The following H2AC1 variants were observed in gnomAD, a reference collection of about 807,000 sequenced individuals.
H2AC1 encodes the protein H2A clustered histone 1, also known as histone H2A type 1-A.
For missense variants in H2AC1, 218 were observed against 173.8 expected (o/e 1.25, Z -1.43); for synonymous variants, 145 against 70.0 (o/e 2.07, Z -5.35).
rs551081966 is a variant in H2AC1, at chr6:25,726,243, A to G, written c.285T>C (p.Asn95=). ...CAATGGTCACGCCGCCCAAAAGCTT[A>G]TTGAGTTCCTCATCATTGCGGATCG... The part of the protein sequence containing the change: ...QLAIRNDEEL[N]KLLGGVTIAQ... Residue 95 remains asparagine (N), a synonymous_variant, in exon 1 of 1, where the codon AAT becomes AAC. Transcript: ENST00000297012. The G allele has an allele frequency of 9.3e-6, 15 of 1,613,828 alleles. No homozygotes were observed. The East Asian group carries it at 2.2e-4, about 24-fold the overall frequency.
rs1312427918 is a variant in H2AC1 at position 25,726,494 on chromosome 6, G to A, written c.34C>T (p.Arg12Cys). The change falls in exon 1 of 1, where the codon CGC becomes TGC. Residue 12 changes from arginine (R) to cysteine (C), a missense_variant. Physicochemically the swap from Arg to Cys is radical, Grantham distance 180. Transcript: ENST00000297012. ...GAAGAGCGAGACTTAGACTTGGCGC[G>A]TGCTTTTCCTCCCTGCTTCCCTCGT... ...SGRGKQGGKA[R>C]AKSKSRSSRA... 8.7e-6 allele frequency: 14 copies of A among 1,611,820 alleles called. No homozygotes were observed. Among genetic ancestry groups the A allele is most frequent in the East Asian group, 2.2e-5 (1 of 44,814 alleles).
rs1760234124 is a variant in H2AC1, at chr6:25,726,164, C to CA, written c.363dup (p.Glu122Ter). On this transcript the variant is annotated frameshift_variant, in exon 1 of 1. Coordinates refer to ENST00000297012, the MANE Select transcript of H2AC1 (RefSeq NM_170745.3). LOFTEE classifies it high-confidence loss of function. The stretch of plus-strand genomic sequence containing the variant: ...CTTTGGGCTTTATGGTGGTGACTCT[C>CA]AGTCTTCTTGGGCAGCAGCACTGCC... 3.8e-6 allele frequency: 6 copies of CA among 1,570,710 alleles called. No individual in the cohort carries two copies. The highest frequency in any genetic ancestry group is 1.4e-5 in the African/African-American group (1 of 73,356).
chr6:25,726,090 T>A lies in H2AC1; in HGVS notation c.*42A>T. ...GGTGGCTCTGAAAAGAGCCTTTTGT[T>A]TTTTCTGACACAGAAGTCTTTTTAC... On this transcript the variant is annotated 3_prime_UTR_variant, in exon 1 of 1. Transcript: ENST00000297012. The A allele has an allele frequency of 6.7e-7, 1 of 1,481,674 alleles. No individual in the cohort carries two copies. Among genetic ancestry groups the A allele is most frequent in the Non-Finnish European group, 9.0e-7 (1 of 1,113,804 alleles). 91.8% of individuals were successfully genotyped at this position (1,481,674 alleles called of 1,614,324 possible).
chr6:25,726,076 A>C lies in H2AC1; in HGVS notation c.*56T>G. The C allele has an allele frequency of 6.9e-7, 1 of 1,457,154 alleles. No homozygotes were observed. Among genetic ancestry groups the C allele is most frequent in the South Asian group, 1.4e-5 (1 of 69,054 alleles). The allele number at this position is 1,457,154 out of a possible 1,614,324, so 90.3% of individuals were successfully genotyped here. On this transcript the variant is annotated 3_prime_UTR_variant, in exon 1 of 1. Coordinates refer to ENST00000297012, the MANE Select transcript of H2AC1 (RefSeq NM_170745.3). ...TTTCTGAGACGGTAGGTGGCTCTGA[A>C]AAGAGCCTTTTGTTTTTTCTGACAC...
Position 25,726,171 on chromosome 6 carries a change from C to T in H2AC1, c.357G>A (p.Lys119=), listed in dbSNP as rs765641279. The change falls in exon 1 of 1, where the codon AAG becomes AAA. Residue 119 remains lysine (K), a synonymous_variant. Transcript: ENST00000297012. The stretch of plus-strand genomic sequence containing the variant: ...CTTTATGGTGGTGACTCTCAGTCTT[C>T]TTGGGCAGCAGCACTGCCTGAATGT... The part of the protein sequence containing the change: ...LPNIQAVLLP[K]KTESHHHKAQ... The T allele has an allele frequency of 3.7e-5, 59 of 1,579,230 alleles. No individual in the cohort carries two copies. Among genetic ancestry groups the T allele is most frequent in the Non-Finnish European group, 4.7e-5 (54 of 1,160,184 alleles).
In H2AC1 at chr6:25,726,513, C is replaced by T. The variant is rs770804341; in HGVS notation, c.15G>A (p.Gly5=). Residue 5 remains glycine, a synonymous_variant, in exon 1 of 1, where the codon GGG becomes GGA. Coordinates refer to ENST00000297012, the MANE Select transcript of H2AC1 (RefSeq NM_170745.3). MSGR[G]KQGGKARAKS... ...TGGCGCGTGCTTTTCCTCCCTGCTT[C>T]CCTCGTCCAGACATCTCCTCGCATC... is the stretch of plus-strand genomic sequence containing the variant. 4 of 1,610,324 alleles carry T rather than the reference C, an allele frequency of 2.5e-6. No individual in the cohort carries two copies. Among genetic ancestry groups the T allele is most frequent in the Admixed American group, 3.3e-5 (2 of 59,944 alleles).
Position 25,726,534 on chromosome 6 carries a change from G to A in H2AC1, c.-7C>T, listed in dbSNP as rs377299061. ...GCTTCCCTCGTCCAGACATCTCCTC[G>A]CATCAAATTGCAGCAACACGAGAAC... is the stretch of plus-strand genomic sequence containing the variant. On this transcript the variant is annotated 5_prime_UTR_variant, in exon 1 of 1. An upstream open reading frame in the 5' UTR gains an earlier in-frame stop. Coordinates refer to ENST00000297012, the MANE Select transcript of H2AC1 (RefSeq NM_170745.3). The A allele has an allele frequency of 5.4e-5, 87 of 1,600,314 alleles. No homozygotes were observed. Among genetic ancestry groups the A allele is most frequent in the Non-Finnish European group, 6.4e-5 (75 of 1,170,822 alleles).
chr6:25,726,164 C>G lies in H2AC1; in HGVS notation c.364G>C (p.Glu122Gln). 1 of 1,570,826 alleles carries G rather than the reference C, an allele frequency of 6.4e-7. No homozygotes were observed. Among genetic ancestry groups the G allele is most frequent in the South Asian group, 1.2e-5 (1 of 85,202 alleles). Reference protein sequence around the residue: ...IQAVLLPKKTESHHHKAQSK With the variant: ...IQAVLLPKKTQSHHHKAQSK Reference sequence around the variant, plus strand: ...CTTTGGGCTTTATGGTGGTGACTCTCAGTCTTCTTGGGCAGCAGCACTGCC... The same window carrying G: ...CTTTGGGCTTTATGGTGGTGACTCTGAGTCTTCTTGGGCAGCAGCACTGCC... The change falls in exon 1 of 1, where the codon GAG becomes CAG. Residue 122 changes from glutamate to glutamine, a missense_variant. Physicochemically the swap from Glu to Gln is conservative, Grantham distance 29. Coordinates refer to ENST00000297012, the MANE Select transcript of H2AC1 (RefSeq NM_170745.3).
rs1226402255 is a variant in H2AC1, at chr6:25,726,233, C to T, written c.295G>A (p.Gly99Ser). 1.9e-6 allele frequency: 3 copies of T among 1,613,330 alleles called. No homozygotes were observed. The highest frequency in any genetic ancestry group is 2.5e-6 in the Non-Finnish European group (3 of 1,179,512). The part of the protein sequence containing the change: ...RNDEELNKLL[G>S]GVTIAQGGVL... The stretch of plus-strand genomic sequence containing the variant: ...CCGCCCTGGGCAATGGTCACGCCGC[C>T]CAAAAGCTTATTGAGTTCCTCATCA... The change falls in exon 1 of 1, where the codon GGC becomes AGC. Residue 99 changes from glycine to serine, a missense_variant. Gly to Ser is a moderately conservative substitution (Grantham distance 56). Transcript: ENST00000297012.
chr6:25,726,539 A>AT lies in H2AC1; in HGVS notation c.-13_-12insA. The AT allele has an allele frequency of 6.3e-7, 1 of 1,599,272 alleles. No individual in the cohort carries two copies. The highest frequency in any genetic ancestry group is 8.5e-7 in the Non-Finnish European group (1 of 1,170,128). ...CCTCGTCCAGACATCTCCTCGCATCAAATTGCAGCAACACGAGAACCACAT... is the reference window on the plus strand; with the variant it reads ...CCTCGTCCAGACATCTCCTCGCATCATAATTGCAGCAACACGAGAACCACAT... On this transcript the variant is annotated 5_prime_UTR_variant, in exon 1 of 1. The change creates a new upstream start codon in the 5' untranslated region. Transcript: ENST00000297012.
chr6:25,726,513 C>G lies in H2AC1; in HGVS notation c.15G>C (p.Gly5=), dbSNP rs770804341. The G allele has an allele frequency of 8.7e-6, 14 of 1,610,206 alleles. No individual in the cohort carries two copies. Among genetic ancestry groups the G allele is most frequent in the Admixed American group, 1.7e-5 (1 of 59,924 alleles). The change falls in exon 1 of 1, where the codon GGG becomes GGC. Residue 5 remains glycine, a synonymous_variant. Coordinates refer to ENST00000297012, the MANE Select transcript of H2AC1 (RefSeq NM_170745.3). ...TGGCGCGTGCTTTTCCTCCCTGCTT[C>G]CCTCGTCCAGACATCTCCTCGCATC... MSGR[G]KQGGKARAKS... is the part of the protein sequence containing the mutation.
Position 25,726,313 on chromosome 6 carries a change from C to T in H2AC1, c.215G>A (p.Arg72His), listed in dbSNP as rs771578160. ...AATAATGCGAGTTTTTTTGTTATCG[C>T]GAGACGCATTGCCTGCCAGCTCAAG... ...EILELAGNASRDNKKTRIIPR... is the reference protein window; with the variant it reads ...EILELAGNASHDNKKTRIIPR... Residue 72 changes from arginine to histidine, a missense_variant, in exon 1 of 1, where the codon CGC (arginine) becomes CAC (histidine). Arg to His is a conservative substitution (Grantham distance 29). Coordinates refer to ENST00000297012, the MANE Select transcript of H2AC1 (RefSeq NM_170745.3). 7 of 1,614,048 alleles carry T rather than the reference C, an allele frequency of 4.3e-6. No individual in the cohort carries two copies. The highest frequency in any genetic ancestry group is 2.2e-5 in the South Asian group (2 of 91,074).
chr6:25,726,492 G>T lies in H2AC1; in HGVS notation c.36C>A (p.Arg12=), dbSNP rs150563946. 1.6e-5 allele frequency: 26 copies of T among 1,612,166 alleles called. No individual in the cohort carries two copies. The highest frequency in any genetic ancestry group is 2.0e-5 in the Non-Finnish European group (24 of 1,178,720). The part of the protein sequence containing the change: ...SGRGKQGGKA[R]AKSKSRSSRA... ...TAGAAGAGCGAGACTTAGACTTGGC[G>T]CGTGCTTTTCCTCCCTGCTTCCCTC... The change falls in exon 1 of 1, where the codon CGC becomes CGA. Residue 12 remains arginine (R), a synonymous_variant. Transcript: ENST00000297012.
In H2AC1 at chr6:25,726,350, T is replaced by C; in HGVS notation, c.178A>G (p.Thr60Ala). 3 of 1,613,522 alleles carry C rather than the reference T, an allele frequency of 1.9e-6. No individual in the cohort carries two copies. The South Asian group carries it at 3.3e-5, about 18-fold the overall frequency. Residue 60 changes from threonine to alanine, a missense_variant, in exon 1 of 1, where the codon ACA (threonine) becomes GCA (alanine). By Grantham distance (58) the Thr-to-Ala change is moderately conservative (BLOSUM62 0). Coordinates refer to ENST00000297012, the MANE Select transcript of H2AC1 (RefSeq NM_170745.3). Reference protein sequence around the residue: ...VYLAAVLEYLTAEILELAGNA... With the variant: ...VYLAAVLEYLAAEILELAGNA... Reference sequence around the variant, plus strand: ...CCTGCCAGCTCAAGGATTTCTGCTGTGAGATACTCTAACACTGCCGCCAAA... The same window carrying C: ...CCTGCCAGCTCAAGGATTTCTGCTGCGAGATACTCTAACACTGCCGCCAAA...
rs189327307 is a variant in H2AC1 at position 25,726,416 on chromosome 6, C to A, written c.112G>T (p.Gly38Ter). Residue 38 changes from glycine (G) to a stop codon, truncating the protein, a stop_gained, in exon 1 of 1, where the codon GGA becomes TGA. Transcript: ENST00000297012. LOFTEE classifies it low-confidence loss of function (END_TRUNC). ...GCCCCTATCCGCTCTGCATAGTTTC[C>A]CTTACGAAGCAGACGATGGATCCGG... ...VGRIHRLLRK[G>*]NYAERIGAGA... is the part of the protein sequence containing the mutation. 1.9e-6 allele frequency: 3 copies of A among 1,614,132 alleles called. No individual in the cohort carries two copies. Among genetic ancestry groups the A allele is most frequent in the Non-Finnish European group, 2.5e-6 (3 of 1,180,030 alleles).
At position 25,726,538 on chromosome 6, in the gene H2AC1, C is replaced by A. The variant is rs374706409; in HGVS notation, c.-11G>T. 246 of 1,599,046 alleles carry A rather than the reference C, an allele frequency of 1.5e-4. 1 individual carries two copies. Among genetic ancestry groups the A allele is most frequent in the Admixed American group, 3.9e-4 (23 of 59,272 alleles). On this transcript the variant is annotated 5_prime_UTR_variant, in exon 1 of 1. Transcript: ENST00000297012. ...CCCTCGTCCAGACATCTCCTCGCAT[C>A]AAATTGCAGCAACACGAGAACCACA...
In H2AC1 at chr6:25,726,450, A is replaced by G; in HGVS notation, c.78T>C (p.Phe26=). Reference sequence around the variant, plus strand: ...GCAGACGATGGATCCGGCCTACGGGAAACTGCAAACCCGCTCTAGAAGAGC... The same window carrying G: ...GCAGACGATGGATCCGGCCTACGGGGAACTGCAAACCCGCTCTAGAAGAGC... ...KSRSSRAGLQ[F]PVGRIHRLLR... is the part of the protein sequence containing the mutation. The change falls in exon 1 of 1, where the codon TTT becomes TTC. Residue 26 remains phenylalanine, a synonymous_variant. Coordinates refer to ENST00000297012, the MANE Select transcript of H2AC1 (RefSeq NM_170745.3). 1 of 1,613,952 alleles carries G rather than the reference A, an allele frequency of 6.2e-7. No homozygotes were observed. Among genetic ancestry groups the G allele is most frequent in the Non-Finnish European group, 8.5e-7 (1 of 1,180,020 alleles).
In H2AC1 at chr6:25,726,279, G is replaced by A; in HGVS notation, c.249C>T (p.His83=). The change falls in exon 1 of 1, where the codon CAC becomes CAT. Residue 83 remains histidine (H), a synonymous_variant. Coordinates refer to ENST00000297012, the MANE Select transcript of H2AC1 (RefSeq NM_170745.3). The part of the protein sequence containing the change: ...DNKKTRIIPR[H]LQLAIRNDEE... ...CATCATTGCGGATCGCTAGCTGCAG[G>A]TGGCGGGGAATAATGCGAGTTTTTT... The A allele has an allele frequency of 6.2e-7, 1 of 1,614,108 alleles. No homozygotes were observed. The highest frequency in any genetic ancestry group is 8.5e-7 in the Non-Finnish European group (1 of 1,179,980).
Position 25,726,473 on chromosome 6 carries a change from A to C in H2AC1, c.55T>G (p.Ser19Ala). Residue 19 changes from serine (S) to alanine (A), a missense_variant, in exon 1 of 1, where the codon TCT becomes GCT. Transcript: ENST00000297012. ...GKARAKSKSR[S>A]SRAGLQFPVG... The stretch of plus-strand genomic sequence containing the variant: ...GGAAACTGCAAACCCGCTCTAGAAG[A>C]GCGAGACTTAGACTTGGCGCGTGCT... 1 of 1,613,706 alleles carries C rather than the reference A, an allele frequency of 6.2e-7. No individual in the cohort carries two copies. Among genetic ancestry groups the C allele is most frequent in the Non-Finnish European group, 8.5e-7 (1 of 1,179,906 alleles).
Sources: allele counts gnomAD v4.1 joint callset, GRCh38; gene constraint gnomAD v4.1.1; transcripts MANE v1.5; gene names NCBI Gene and HGNC (gene_info 2026-07-23, HGNC 2026-07-21).